DCAF6: variants seen among roughly 807,000 people sequenced by gnomAD.
DCAF6 encodes the protein DDB1 and CUL4 associated factor 6.
DCAF6 carries 54 observed loss-of-function variants against 125.1 expected under a neutral mutation model. That is an observed-to-expected ratio of 0.43 (90% confidence interval 0.35 to 0.54). The LOEUF (loss-of-function observed/expected upper bound fraction) is 0.54. DCAF6 is among the 20% of genes least tolerant of loss of function. The probability of loss-of-function intolerance (pLI) is 0.01; values close to 1 mark genes in which losing one functional copy is unlikely to be tolerated. For synonymous variants in DCAF6, 371 were observed against 390.4 expected (o/e 0.95, Z 0.58); for missense variants, 934 against 1,161.7 (o/e 0.80, Z 2.85).
chr1:167,874,580 G>T, the DCAF6 span, among the ~76,000 whole-genome samples: 1 of 94,472 alleles, frequency 1.1e-5, no homozygotes, highest in Non-Finnish European at 2.1e-5. Context: ...GGCACCCTTT[G>T]TCCCAACAAT....
intron 11 of DCAF6, among the ~76,000 whole-genome samples, chr1:168,016,894 G>A (rs1283321961): frequency 6.6e-6 from 1 of 151,956 alleles, no homozygotes; most frequent in African/African-American, 2.4e-5. Context: ...GGCTTTGAGA[G>A]TTCTAATTTG....
At chr1:168,063,911 G>A in intron 18 of DCAF6, 152 bp downstream of exon 18, 1 of 696,004 alleles carries the variant, frequency 1.4e-6, no homozygotes, top group South Asian at 2.3e-5. Context: ...GGTTCTTTTA[G>A]CCCTATAATA....
chr1:167,904,382 G>A, the DCAF6 span, among the ~76,000 whole-genome samples: 469 of 152,164 alleles, frequency 3.1e-3, 1 homozygote, highest in African/African-American at 0.011. Flanking sequence ...CACCGAACCC[G>A]GTGGCCTCAG....
the DCAF6 span, among the ~76,000 whole-genome samples, chr1:167,893,150 C>G: frequency 1.3e-5 from 2 of 152,166 alleles, no homozygotes; most frequent in Admixed American, 6.5e-5. Context: ...TAATTACCTG[C>G]ATTGTTAAAT....
At chr1:167,999,538 T>G (rs1409955976) in intron 7 of DCAF6, among the ~76,000 whole-genome samples, 1 of 152,164 alleles carries the variant, frequency 6.6e-6, no homozygotes, top group African/African-American at 2.4e-5. Flanking sequence ...GGGTAGCCAC[T>G]TTGATCAATT....
chr1:167,945,205 G>T (rs571738062), intron 1 of DCAF6, among the ~76,000 whole-genome samples: 2 of 152,078 alleles, frequency 1.3e-5, no homozygotes, highest in African/African-American at 2.4e-5. Context: ...GGCTATTGGG[G>T]CTTCTTTTTG....
chr1:168,034,079 A>C (rs1380423058), intron 12 of DCAF6, among the ~76,000 whole-genome samples: 1 of 152,236 alleles, frequency 6.6e-6, no homozygotes, highest in Non-Finnish European at 1.5e-5. Context: ...AATGTTGTTG[A>C]TATGAATTAT....
intron 21 of DCAF6, among the ~76,000 whole-genome samples, chr1:168,071,364 G>A (rs1487634245): frequency 1.3e-5 from 2 of 152,218 alleles, no homozygotes; most frequent in African/African-American, 2.4e-5. Flanking sequence ...AGCACTTTGG[G>A]AGGCTGAGGC....
intron 10 of DCAF6, among the ~76,000 whole-genome samples, chr1:168,007,421 G>C (rs1018794463): frequency 1.3e-5 from 2 of 152,128 alleles, no homozygotes; most frequent in African/African-American, 4.8e-5. Flanking sequence ...CCTCAGAAGA[G>C]TTGTTGATAG....
At chr1:167,925,646 A>G in the DCAF6 span, among the ~76,000 whole-genome samples, 1 of 149,728 alleles carries the variant, frequency 6.7e-6, no homozygotes, top group African/African-American at 2.5e-5. Context: ...TCCCGGGTTC[A>G]AGTGATTCTC....
At chr1:167,907,414 T>C in the DCAF6 span, among the ~76,000 whole-genome samples, 2 of 152,358 alleles carry the variant, frequency 1.3e-5, no homozygotes, top group African/African-American at 4.8e-5. Flanking sequence ...GGGGTTCTCC[T>C]CTGTTTTTGC....
the DCAF6 span, among the ~76,000 whole-genome samples, chr1:167,907,794 T>G: frequency 6.6e-6 from 1 of 152,354 alleles, no homozygotes; most frequent in African/African-American, 2.4e-5. Context: ...ATATTGACTT[T>G]AAGGCATTTG....
At chr1:167,870,137 G>T in the DCAF6 span, 2 of 1,113,670 alleles carry the variant, frequency 1.8e-6, no homozygotes, top group Non-Finnish European at 2.7e-6. Flanking sequence ...AAGGGTCATG[G>T]CATCCAATAA....
chr1:168,004,088 A>C, intron 9 of DCAF6, 99 bp downstream of exon 9: 1 of 1,338,148 alleles, frequency 7.5e-7, no homozygotes. Flanking sequence ...CATGTTTTAC[A>C]TCTGTAATAA....
At chr1:167,893,236 T>C in the DCAF6 span, among the ~76,000 whole-genome samples, 1 of 152,224 alleles carries the variant, frequency 6.6e-6, no homozygotes, top group Non-Finnish European at 1.5e-5. Flanking sequence ...GTCTTTCTGC[T>C]ATGTGGCATA....
chr1:168,063,864 A>T (rs1280498166), intron 18 of DCAF6, 105 bp downstream of exon 18: 12 of 1,083,716 alleles, frequency 1.1e-5, no homozygotes, highest in Non-Finnish European at 1.6e-5. Flanking sequence ...TTTCAGTATT[A>T]CATTATTAAA....
the DCAF6 span, among the ~76,000 whole-genome samples, chr1:167,893,695 C>CAAAAAAA: frequency 1.4e-5 from 1 of 70,188 alleles, no homozygotes; most frequent in Non-Finnish European, 2.7e-5. Flanking sequence ...GACTCTGTCT[C>CAAAAAAA]AAAAAAAAAA....
chr1:168,010,735 T>C (rs1684165887), intron 10 of DCAF6, among the ~76,000 whole-genome samples: 1 of 152,118 alleles, frequency 6.6e-6, no homozygotes. Flanking sequence ...ATTTTATTTA[T>C]AAAAAATATT....
chr1:167,982,949 T>C (rs1382110803), intron 4 of DCAF6, among the ~76,000 whole-genome samples: 2 of 152,196 alleles, frequency 1.3e-5, no homozygotes, highest in Admixed American at 1.3e-4. Context: ...TTTTGTCAAC[T>C]TTGTCGAAGA....
Sources: gnomAD v4.1 joint callset for allele counts (sites outside exome capture counted in the v4.1 genomes callset) on GRCh38, gnomAD v4.1.1 for gene constraint, MANE v1.5 for transcripts, NCBI Gene and HGNC (gene_info 2026-07-23, HGNC 2026-07-21) for gene names.